Variants in CNPY3 observed in about 807,000 individuals in gnomAD.
CNPY3 encodes protein canopy homolog 3.
A neutral mutation model predicts 32.0 loss-of-function variants in CNPY3; 20 were observed. That is an observed-to-expected ratio of 0.63 (90% confidence interval 0.44 to 0.91). The LOEUF is 0.91. Among genes scored for constraint, CNPY3 ranks in the 40% least tolerant of loss-of-function variants. The pLI is 0.00. For missense variants in CNPY3, 299 were observed against 340.8 expected, an observed-to-expected ratio of 0.88 and a Z score of 0.97; for synonymous variants, 138 against 142.9, an observed-to-expected ratio of 0.97 and a Z score of 0.24.
intron 1 of CNPY3, among the ~76,000 whole-genome samples, chr6:42,933,760 G>C (rs556011775): frequency 1.3e-5 from 2 of 152,278 alleles, no homozygotes; most frequent in East Asian, 3.9e-4. Flanking sequence ...ATATTGTTGA[G>C]ATATTATAAT....
chr6:42,938,998 T>C lies in CNPY3; in HGVS notation c.*207T>C. ...GCCGTCCTTTCCCCTCCCCAAGTGT[T>C]TCTCTCCTGACCCAGGGTTCAGGCA... On this transcript the variant is annotated 3_prime_UTR_variant, in exon 6 of 6. Coordinates refer to ENST00000372836, the MANE Select transcript of CNPY3 (RefSeq NM_006586.5). 7.4e-7 allele frequency: 1 copy of C among 1,350,558 alleles called. No homozygotes were observed. Among genetic ancestry groups the C allele is most frequent in the East Asian group, 2.8e-5 (1 of 36,316 alleles). 83.7% of individuals were successfully genotyped at this position (1,350,558 alleles called of 1,614,324 possible).
intron 4 of CNPY3, 100 bp from the exon 5 acceptor site, chr6:42,937,990 C>T: frequency 6.9e-7 from 1 of 1,440,890 alleles, no homozygotes; most frequent in South Asian, 1.2e-5. Context: ...TGAACCGCTG[C>T]CACTGCCTAC....
chr6:42,937,151 G>A (rs1768289501), intron 3 of CNPY3, among the ~76,000 whole-genome samples: 1 of 152,150 alleles, frequency 6.6e-6, no homozygotes, highest in Admixed American at 6.6e-5. Context: ...AGGGGAAAGA[G>A]CTAAGACAAA....
In CNPY3 at chr6:42,938,079, AT is replaced by A; in HGVS notation, c.496-10del. The A allele has an allele frequency of 6.2e-7, 1 of 1,608,670 alleles. No homozygotes were observed. Among genetic ancestry groups the A allele is most frequent in the Non-Finnish European group, 8.5e-7 (1 of 1,175,110 alleles). ...TGGGGCTTTGCCAATATGAGGTATTATGATTAACAGTGTGATGTGCTGGTGG... is the reference window on the plus strand; with the variant it reads ...TGGGGCTTTGCCAATATGAGGTATTAGATTAACAGTGTGATGTGCTGGTGG... On this transcript the variant is annotated splice_polypyrimidine_tract_variant and intron_variant, in intron 4 of 5. Transcript: ENST00000372836.
chr6:42,930,386 G>A (rs574936463), intron 1 of CNPY3, among the ~76,000 whole-genome samples: 13 of 152,310 alleles, frequency 8.5e-5, no homozygotes, highest in African/African-American at 2.6e-4. Flanking sequence ...GAATACAGAT[G>A]ATTAAATGGG....
rs570136285 is a variant in CNPY3, at chr6:42,935,561, C to G, written c.276-13C>G. 5 of 1,603,284 alleles carry G rather than the reference C, an allele frequency of 3.1e-6. No individual in the cohort carries two copies. Among genetic ancestry groups the G allele is most frequent in the African/African-American group, 1.3e-5 (1 of 74,906 alleles). On this transcript the variant is annotated splice_polypyrimidine_tract_variant and intron_variant, in intron 2 of 5. Coordinates refer to ENST00000372836, the MANE Select transcript of CNPY3 (RefSeq NM_006586.5). Reference sequence around the variant, plus strand: ...GGAGGGGAACTCAGTTCCTCATCCTCCTGTCTTGGCAGGGACTTGCGGTTA... The same window carrying G: ...GGAGGGGAACTCAGTTCCTCATCCTGCTGTCTTGGCAGGGACTTGCGGTTA...
At chr6:42,928,997 A>G (rs1489943015), upstream of CNPY3, among the ~76,000 whole-genome samples, 1 of 152,136 alleles carries the variant, frequency 6.6e-6, no homozygotes, top group African/African-American at 2.4e-5. Context: ...TCCTGCTTGC[A>G]CCTTAAGCGC....
rs896430211 is a variant in CNPY3 at position 42,939,112 on chromosome 6, C to T, written c.*321C>T. 51 of 1,130,070 alleles carry T rather than the reference C, an allele frequency of 4.5e-5. No individual in the cohort carries two copies. Among genetic ancestry groups the T allele is most frequent in the South Asian group, 7.1e-5 (2 of 28,030 alleles). 70.0% of individuals were successfully genotyped at this position (1,130,070 alleles called of 1,614,324 possible). ...TGGGCACCAGGACTGGAGCCCCCTC[C>T]GGAGACCAAACTCACCATCCCTCAG... is the stretch of plus-strand genomic sequence containing the variant. On this transcript the variant is annotated 3_prime_UTR_variant, in exon 6 of 6. Coordinates refer to ENST00000372836, the MANE Select transcript of CNPY3 (RefSeq NM_006586.5).
In CNPY3 at chr6:42,934,582, G is replaced by A. The variant is rs1768078605; in HGVS notation, c.259G>A (p.Val87Ile). The A allele has an allele frequency of 9.3e-6, 15 of 1,614,028 alleles. No homozygotes were observed. Among genetic ancestry groups the A allele is most frequent in the African/African-American group, 1.3e-5 (1 of 75,058 alleles). Residue 87 changes from valine (V) to isoleucine (I), a missense_variant, in exon 2 of 6, where the codon GTC becomes ATC. Val to Ile is a conservative substitution (Grantham distance 29). Coordinates refer to ENST00000372836, the MANE Select transcript of CNPY3 (RefSeq NM_006586.5). ...YGILDQKASG[V>I]KYTKSDLRLI... ...CATCCTGGACCAGAAGGCCTCTGGA[G>A]TCAAATACACCAAGTCGTAAGTGAA...
At chr6:42,937,649 C>G in intron 3 of CNPY3, 68 bp from the exon 4 acceptor site, 1 of 1,583,740 alleles carries the variant, frequency 6.3e-7, no homozygotes, top group South Asian at 1.1e-5. Flanking sequence ...TTCTTAGCCA[C>G]CACTGGGAGA....
At chr6:42,935,343 C>G (rs561190570) in intron 2 of CNPY3, 2 of 799,056 alleles carry the variant, frequency 2.5e-6, no homozygotes, top group East Asian at 1.3e-4. Flanking sequence ...AATACTGAAT[C>G]ATTTAGCTTT....
At chr6:42,931,097 T>C (rs1465918560) in intron 1 of CNPY3, among the ~76,000 whole-genome samples, 4 of 152,050 alleles carry the variant, frequency 2.6e-5, no homozygotes, top group South Asian at 2.1e-4. Flanking sequence ...ATCATATTGG[T>C]CAGGCTGGTC....
chr6:42,934,079 G>A (rs1462186474), intron 1 of CNPY3, among the ~76,000 whole-genome samples: 1 of 151,880 alleles, frequency 6.6e-6, no homozygotes, highest in African/African-American at 2.4e-5. Context: ...TGAGGCAGGA[G>A]AATCGCTTGA....
At chr6:42,933,309 T>TA (rs1440527526) in intron 1 of CNPY3, among the ~76,000 whole-genome samples, 3 of 152,230 alleles carry the variant, frequency 2.0e-5, no homozygotes, top group Non-Finnish European at 4.4e-5. Context: ...TCTACACCTT[T>TA]ATCTGCTGCA....
chr6:42,935,379 G>A (rs1768144417), intron 2 of CNPY3, 195 bp from the exon 3 acceptor site: 2 of 981,962 alleles, frequency 2.0e-6, no homozygotes, highest in African/African-American at 1.8e-5. Context: ...CCTTAGAGCT[G>A]TTAAAATTTT....
upstream of CNPY3, chr6:42,929,429 G>A: frequency 1.1e-6 from 1 of 891,364 alleles, no homozygotes; most frequent in Non-Finnish European, 1.6e-6. Flanking sequence ...GGCTGCGAGA[G>A]GAGGGCGGGC....
intron 2 of CNPY3, 107 bp downstream of exon 2, chr6:42,934,705 T>G: frequency 6.7e-7 from 1 of 1,489,970 alleles, no homozygotes; most frequent in Non-Finnish European, 9.1e-7. Context: ...GGGCATCATT[T>G]GTAACCAAGA....
chr6:42,929,399 C>T, upstream of CNPY3: 1 of 711,006 alleles, frequency 1.4e-6, no homozygotes, highest in Non-Finnish European at 2.3e-6. Flanking sequence ...GGGCCTTGGT[C>T]CGCTTTGAAG....
intron 3 of CNPY3, among the ~76,000 whole-genome samples, chr6:42,936,175 T>TGGCCCATGTACTCAGTATGTGTACGAGTG (rs1768221742): frequency 3.0e-5 from 4 of 133,792 alleles, no homozygotes; most frequent in East Asian, 2.1e-4. Context: ...GGCCCATAGT[T>TGGCCCATGTACTCAGTATGTGTACGAGTG]CTTACTCTCT....
Sources: gnomAD v4.1 joint callset for allele counts (sites outside exome capture counted in the v4.1 genomes callset) on GRCh38, gnomAD v4.1.1 for gene constraint, MANE v1.5 for transcripts, NCBI Gene and HGNC (gene_info 2026-07-23, HGNC 2026-07-21) for gene names.